Variants in DENND1A observed in about 807,000 individuals in gnomAD.
The protein encoded by DENND1A is DENN domain-containing protein 1A.
In DENND1A, 51 loss-of-function variants were observed where a neutral mutation model predicts 113.7. The observed-to-expected ratio is 0.45, with a 90% CI of 0.36 to 0.57. The LOEUF (loss-of-function observed/expected upper bound fraction) is 0.57, where lower values mean the gene tolerates loss of function less well. DENND1A is among the 20% of genes least tolerant of loss of function. The pLI is 0.00. For synonymous variants in DENND1A, 565 were observed against 570.8 expected (o/e 0.99, Z 0.14); for missense variants, 1,258 against 1,395.9 (o/e 0.90, Z 1.57).
chr9:123,919,117 C>T (rs972193164), intron 1 of DENND1A, among the ~76,000 whole-genome samples: 1 of 152,022 alleles, frequency 6.6e-6, no homozygotes, highest in Non-Finnish European at 1.5e-5. Flanking sequence ...ACGAATCCAC[C>T]GTTTTTTTTA....
chr9:123,596,885 A>G (rs942452494), intron 11 of DENND1A, among the ~76,000 whole-genome samples: 1 of 152,216 alleles, frequency 6.6e-6, no homozygotes, highest in Non-Finnish European at 1.5e-5. Context: ...ATATTTCATC[A>G]TCTGTAAAAT....
intron 3 of DENND1A, among the ~76,000 whole-genome samples, chr9:123,786,231 A>G (rs1832152222): frequency 6.6e-6 from 1 of 152,082 alleles, no homozygotes; most frequent in South Asian, 2.1e-4. Context: ...AAAGAAAGAA[A>G]GAAATGCACA....
chr9:123,844,563 C>T (rs1246195535), intron 2 of DENND1A, among the ~76,000 whole-genome samples: 1 of 151,934 alleles, frequency 6.6e-6, no homozygotes, highest in African/African-American at 2.4e-5. Context: ...GGGAAAAAAA[C>T]CCTAAACATT....
At chr9:123,482,382 A>G (rs1210401414) in intron 13 of DENND1A, among the ~76,000 whole-genome samples, 2 of 152,176 alleles carry the variant, frequency 1.3e-5, no homozygotes, top group Non-Finnish European at 2.9e-5. Flanking sequence ...ACAGGCGTGA[A>G]CCACCGCACC....
chr9:123,627,990 G>A (rs1355062774), intron 10 of DENND1A, among the ~76,000 whole-genome samples: 1 of 152,126 alleles, frequency 6.6e-6, no homozygotes, highest in East Asian at 1.9e-4. Context: ...AGTATTTTCA[G>A]CCCTCAACAG....
chr9:123,603,259 C>A (rs568693324), intron 11 of DENND1A, among the ~76,000 whole-genome samples: 1 of 152,140 alleles, frequency 6.6e-6, no homozygotes, highest in East Asian at 1.9e-4. Flanking sequence ...GACAGAAATT[C>A]CAGTTCTTTG....
At chr9:123,699,887 G>A (rs1205723755) in intron 5 of DENND1A, among the ~76,000 whole-genome samples, 3 of 151,800 alleles carry the variant, frequency 2.0e-5, no homozygotes, top group African/African-American at 4.8e-5. Flanking sequence ...CAGAAGAGAC[G>A]GAGTTTCGCC....
rs190317816 is a variant in DENND1A, at chr9:123,562,590, T to C, written c.868-4895A>G. Among the ~76,000 whole-genome samples, 77 of 152,344 alleles carry C rather than the reference T, an allele frequency of 5.1e-4. No individual in the cohort carries two copies. The Middle Eastern group carries it at 0.017, about 34-fold the overall frequency. ...TATATGCAGTAAAAATCTAAAATGCTACATTACCAAACTTTAACCATGCAA... is the reference window on the plus strand; with the variant it reads ...TATATGCAGTAAAAATCTAAAATGCCACATTACCAAACTTTAACCATGCAA... On this transcript the variant is annotated intron_variant, in intron 12 of 23. Transcript: ENST00000394215.
chr9:123,850,614 T>G (rs905802057), intron 2 of DENND1A, among the ~76,000 whole-genome samples: 7 of 152,182 alleles, frequency 4.6e-5, no homozygotes, highest in African/African-American at 1.7e-4. Flanking sequence ...ACGACCTGGG[T>G]TCAAATCCCA....
intron 12 of DENND1A, among the ~76,000 whole-genome samples, chr9:123,571,679 ATTGT>A (rs34180009): frequency 0.3 from 44,958 of 151,898 alleles, 7,027 homozygotes; most frequent in African/African-American, 0.4. Flanking sequence ...GATATAATAC[ATTGT>A]TTATTTATCC....
At chr9:123,884,997 G>GCACGCA (rs1554801978) in intron 1 of DENND1A, among the ~76,000 whole-genome samples, 1 of 145,836 alleles carries the variant, frequency 6.9e-6, no homozygotes, top group East Asian at 2.0e-4. Flanking sequence ...GAGCGCGCGC[G>GCACGCA]CACACACACA....
chr9:123,908,750 G>C (rs1269526671), intron 1 of DENND1A, among the ~76,000 whole-genome samples: 3 of 151,764 alleles, frequency 2.0e-5, no homozygotes, highest in Non-Finnish European at 4.4e-5. Flanking sequence ...ACTGTTGGTG[G>C]GACTGTAAAC....
At chr9:123,887,792 G>A (rs1270806541) in intron 1 of DENND1A, among the ~76,000 whole-genome samples, 1 of 152,126 alleles carries the variant, frequency 6.6e-6, no homozygotes, top group Non-Finnish European at 1.5e-5. Context: ...AAGGGGCCGT[G>A]TGCCTAATCT....
At chr9:123,573,214 T>G (rs1164982932) in intron 12 of DENND1A, among the ~76,000 whole-genome samples, 1 of 152,176 alleles carries the variant, frequency 6.6e-6, no homozygotes, top group East Asian at 1.9e-4. Flanking sequence ...ACAGGTAATA[T>G]AAGTCCTACA....
At chr9:123,481,002 C>T (rs779224713) in intron 13 of DENND1A, among the ~76,000 whole-genome samples, 1 of 152,234 alleles carries the variant, frequency 6.6e-6, no homozygotes, top group African/African-American at 2.4e-5. Context: ...TCATAGAATG[C>T]ACTTCACACT....
At chr9:123,479,993 T>A (rs2050208257) in intron 13 of DENND1A, among the ~76,000 whole-genome samples, 1 of 152,220 alleles carries the variant, frequency 6.6e-6, no homozygotes, top group African/African-American at 2.4e-5. Context: ...TATTCCCTAG[T>A]GTCAGGGCAG....
intron 11 of DENND1A, among the ~76,000 whole-genome samples, chr9:123,591,353 GA>G (rs1354120644): frequency 1.3e-5 from 2 of 152,390 alleles, no homozygotes; most frequent in East Asian, 3.9e-4. Context: ...GCCACAAGAT[GA>G]AAGGCAAGGG....
At chr9:123,505,203 C>T (rs2052817018) in intron 13 of DENND1A, among the ~76,000 whole-genome samples, 1 of 152,194 alleles carries the variant, frequency 6.6e-6, no homozygotes, top group African/African-American at 2.4e-5. Context: ...TGGTAAATTA[C>T]AATATGTACA....
chr9:123,502,770 G>A (rs545049436), intron 13 of DENND1A, among the ~76,000 whole-genome samples: 2 of 152,308 alleles, frequency 1.3e-5, no homozygotes, highest in South Asian at 2.1e-4. Context: ...AACCAGTGTC[G>A]TGAAGCTTTT....
Sources: allele counts gnomAD v4.1 joint callset (sites outside exome capture counted in the v4.1 genomes callset), GRCh38; gene constraint gnomAD v4.1.1; transcripts MANE v1.5; gene names NCBI Gene and HGNC (gene_info 2026-07-23, HGNC 2026-07-21).